Variants in PCDHGA1 observed in about 807,000 individuals in gnomAD.
PCDHGA1 encodes protocadherin gamma-A1.
A neutral mutation model predicts 58.0 loss-of-function variants in PCDHGA1; 32 were observed. The ratio of observed to expected loss-of-function variants is 0.55; its 90% CI spans 0.42 to 0.74. The LOEUF is 0.74. Ranked by LOEUF, PCDHGA1 falls within the 30% of genes least tolerant of loss-of-function variation. The probability of loss-of-function intolerance (pLI) is 0.00; values close to 1 mark genes in which losing one functional copy is unlikely to be tolerated. For synonymous variants in PCDHGA1, 498 were observed against 501.1 expected (o/e 0.99, Z 0.08); for missense variants, 1,205 against 1,182.3 (o/e 1.02, Z -0.28).
At position 141,511,241 on chromosome 5, in the gene PCDHGA1, C is replaced by T; in HGVS notation, c.*68C>T. On this transcript the variant is annotated 3_prime_UTR_variant, in exon 4 of 4. Transcript: ENST00000517417. ...CCAGCCCAGCTTCTCCTTACCTGCA[C>T]CCAGGCCTCAGAGTTTCAGGGCTAA... The T allele has an allele frequency of 2.5e-6, 4 of 1,585,214 alleles. No individual in the cohort carries two copies. Among genetic ancestry groups the T allele is most frequent in the Non-Finnish European group, 3.4e-6 (4 of 1,165,762 alleles).
chr5:141,364,248 G>A, intron 1 of PCDHGA1: 1 of 1,480,674 alleles, frequency 6.8e-7, no homozygotes. Context: ...TTTCGTCAGG[G>A]AATATGTACC....
chr5:141,376,721 C>T (rs938507888), intron 1 of PCDHGA1: 2 of 596,528 alleles, frequency 3.4e-6, no homozygotes, highest in Admixed American at 3.5e-5. Context: ...GCTCTGTCGC[C>T]CAGGCCGGAC....
Position 141,409,638 on chromosome 5 carries a change from C to T in PCDHGA1, c.2421+76533C>T, listed in dbSNP as rs1040366842. The T allele has an allele frequency of 3.1e-6, 5 of 1,613,648 alleles. No homozygotes were observed. The highest frequency in any genetic ancestry group is 1.7e-5 in the Admixed American group (1 of 60,006). ...ATTGCGCAAGTGAGCGCCTCTGACC[C>T]GGATTTGGGGCTCAATGGCCACATC... On this transcript the variant is annotated intron_variant, in intron 1 of 3. Coordinates refer to ENST00000517417, the MANE Select transcript of PCDHGA1 (RefSeq NM_018912.3).
intron 1 of PCDHGA1, chr5:141,389,435 C>T (rs1403223210): frequency 8.1e-6 from 13 of 1,610,504 alleles, no homozygotes. Flanking sequence ...CGCAGCGCGC[C>T]TTCGACCACG....
At chr5:141,375,501 C>T in intron 1 of PCDHGA1, 1 of 1,614,040 alleles carries the variant, frequency 6.2e-7, no homozygotes, top group Non-Finnish European at 8.5e-7. Flanking sequence ...TCCATCTTCT[C>T]TGTGAATGCA....
intron 1 of PCDHGA1, chr5:141,426,170 T>G (rs2096918811): frequency 6.4e-6 from 1 of 155,200 alleles, no homozygotes. Flanking sequence ...CCATACGGAT[T>G]GGGGTGCCCT....
chr5:141,444,360 G>A (rs556605314), intron 1 of PCDHGA1, among the ~76,000 whole-genome samples: 1 of 151,652 alleles, frequency 6.6e-6, no homozygotes, highest in South Asian at 2.1e-4. Context: ...TAGTAGAGAC[G>A]GGGTTTCTCC....
intron 1 of PCDHGA1, chr5:141,361,840 C>T: frequency 6.2e-7 from 1 of 1,612,726 alleles, no homozygotes; most frequent in South Asian, 1.1e-5. Context: ...CGCGCTGGGG[C>T]CTGATGGCTC....
Position 141,419,336 on chromosome 5 carries a change from G to A in PCDHGA1, c.2422-75471G>A, listed in dbSNP as rs762064534. 6.8e-6 allele frequency: 11 copies of A among 1,613,772 alleles called. No individual in the cohort carries two copies. In the African/African-American group the frequency reaches 1.3e-4, roughly 20 times the overall value. ...CGGCCGTGTCTCCTACTCTCTCATT[G>A]CCAGCGACCTGGAGTCACGAACGCT... On this transcript the variant is annotated intron_variant, in intron 1 of 3. Coordinates refer to ENST00000517417, the MANE Select transcript of PCDHGA1 (RefSeq NM_018912.3).
chr5:141,402,710 C>T (rs2094297033), intron 1 of PCDHGA1, among the ~76,000 whole-genome samples: 1 of 152,092 alleles, frequency 6.6e-6, no homozygotes, highest in African/African-American at 2.4e-5. Context: ...GGTGTAGTAA[C>T]GGCTTAGGAC....
chr5:141,350,985 A>G (rs1267505867), intron 1 of PCDHGA1: 2 of 1,614,068 alleles, frequency 1.2e-6, no homozygotes, highest in Admixed American at 1.7e-5. Flanking sequence ...TTTAGCCAGG[A>G]GGTATACAGG....
intron 3 of PCDHGA1, among the ~76,000 whole-genome samples, chr5:141,510,034 T>A (rs2099879281): frequency 6.6e-6 from 1 of 152,156 alleles, no homozygotes; most frequent in Non-Finnish European, 1.5e-5. Flanking sequence ...TGGGCTGTTA[T>A]GTAGAGGTTA....
chr5:141,414,009 TGGA>T (rs2095701451), intron 1 of PCDHGA1: 2 of 1,612,964 alleles, frequency 1.2e-6, no homozygotes, highest in Middle Eastern at 1.7e-4. Context: ...AAGGTGCCAA[TGGA>T]GAAGTGACAT....
intron 1 of PCDHGA1, chr5:141,365,152 C>T (rs747695499): frequency 1.2e-6 from 2 of 1,613,880 alleles, no homozygotes; most frequent in Non-Finnish European, 1.7e-6. Flanking sequence ...AGGGAATAAA[C>T]GGGAAATTGA....
At chr5:141,417,050 C>T (rs1420453271) in intron 1 of PCDHGA1, 3 of 151,552 alleles carry the variant, frequency 2.0e-5, no homozygotes, top group Non-Finnish European at 4.4e-5. Flanking sequence ...AAAAAAACTG[C>T]TCTTGACATT....
At chr5:141,333,869 TA>T (rs1377233035) in intron 1 of PCDHGA1, 1 of 152,164 alleles carries the variant, frequency 6.6e-6, no homozygotes, top group East Asian at 1.9e-4. Flanking sequence ...TACGTCTATT[TA>T]AGTAATGTAT....
chr5:141,337,028 T>C (rs1007711392), intron 1 of PCDHGA1, among the ~76,000 whole-genome samples: 1 of 152,160 alleles, frequency 6.6e-6, no homozygotes, highest in Non-Finnish European at 1.5e-5. Context: ...TATGAAACAA[T>C]GTTCAACATC....
At position 141,431,307 on chromosome 5, in the gene PCDHGA1, A is replaced by G. The variant is rs1332508283; in HGVS notation, c.2422-63500A>G. On this transcript the variant is annotated intron_variant, in intron 1 of 3. Transcript: ENST00000517417. This position sits in a 1 kb window ranked among gnomAD's most constrained non-coding sequence, Gnocchi z 4.8. ...AACACTCACTTCTCCCTCATCGTGC[A>G]AAATGGAGCCGACGGTAGTAAGTAC... 3.7e-6 allele frequency: 6 copies of G among 1,614,002 alleles called. No homozygotes were observed. The African/African-American group carries it at 4.0e-5, about 11-fold the overall frequency.
At chr5:141,405,422 GTT>G in intron 1 of PCDHGA1, 2 of 1,509,830 alleles carry the variant, frequency 1.3e-6, no homozygotes, top group Non-Finnish European at 1.8e-6. Context: ...TTTGTTTTTT[GTT>G]TTGTTTTGTT....
Sources: allele counts gnomAD v4.1 joint callset (sites outside exome capture counted in the v4.1 genomes callset), GRCh38; gene constraint gnomAD v4.1.1; non-coding constraint Gnocchi (gnomAD v3.1); transcripts MANE v1.5; gene names NCBI Gene and HGNC (gene_info 2026-07-23, HGNC 2026-07-21).